LPP: variants seen among roughly 807,000 people sequenced by gnomAD.
The protein encoded by LPP is lipoma-preferred partner.
LPP carries 38 observed loss-of-function variants against 60.4 expected under a neutral mutation model. The ratio of observed to expected loss-of-function variants is 0.63; its 90% CI spans 0.49 to 0.83. LPP has a LOEUF of 0.83. LPP is among the 40% of genes least tolerant of loss of function. The probability of loss-of-function intolerance (pLI) is 0.00; values close to 1 mark genes in which losing one functional copy is unlikely to be tolerated. For missense variants in LPP, 902 were observed against 783.6 expected (o/e 1.15, Z -1.80); for synonymous variants, 328 against 290.8 (o/e 1.13, Z -1.30).
intron 4 of LPP, among the ~76,000 whole-genome samples, chr3:188,448,783 T>C (rs2149329984): frequency 6.6e-6 from 1 of 152,322 alleles, no homozygotes; most frequent in East Asian, 1.9e-4. Context: ...CACTATTTCT[T>C]AGTGTGTCTG....
At chr3:188,508,833 A>G (rs1814339487) in intron 5 of LPP, among the ~76,000 whole-genome samples, 1 of 152,218 alleles carries the variant, frequency 6.6e-6, no homozygotes, top group Admixed American at 6.5e-5. Context: ...TTTTAATTAA[A>G]TTGTTCCAGT....
At chr3:188,732,839 T>C (rs542064003) in intron 8 of LPP, among the ~76,000 whole-genome samples, 95 of 152,108 alleles carry the variant, frequency 6.2e-4, no homozygotes, top group African/African-American at 2.2e-3. Flanking sequence ...AGTATTGGGG[T>C]ATAAATTAAA....
At chr3:188,545,366 A>G (rs1826343667) in intron 6 of LPP, among the ~76,000 whole-genome samples, 1 of 151,762 alleles carries the variant, frequency 6.6e-6, no homozygotes, top group South Asian at 2.1e-4. Context: ...GAGGCAAAAC[A>G]AGCACTCCCT....
intron 7 of LPP, among the ~76,000 whole-genome samples, chr3:188,696,218 C>G (rs1863198701): frequency 7.7e-6 from 1 of 130,718 alleles, no homozygotes; most frequent in South Asian, 2.4e-4. Context: ...TTTAAGCACA[C>G]AGTACTCTCT....
intron 4 of LPP, among the ~76,000 whole-genome samples, chr3:188,433,599 TG>T (rs1791513015): frequency 7.3e-6 from 1 of 137,452 alleles, no homozygotes; most frequent in South Asian, 2.5e-4. Context: ...AGACAGAAAG[TG>T]AGAGAGAGAG....
chr3:188,766,633 G>T (rs551960359), intron 9 of LPP, among the ~76,000 whole-genome samples: 2 of 152,070 alleles, frequency 1.3e-5, no homozygotes, highest in South Asian at 4.1e-4. Flanking sequence ...TCCCAAGGCC[G>T]GCTATCTCTA....
At chr3:188,673,885 CTTTTTTGT>C (rs1857443221) in intron 7 of LPP, among the ~76,000 whole-genome samples, 1 of 71,232 alleles carries the variant, frequency 1.4e-5, no homozygotes, top group Admixed American at 2.2e-4. Context: ...TAATTTTTTT[CTTTTTTGT>C]TTTTTTTTTT....
chr3:188,251,296 A>G (rs12492481), intron 2 of LPP, among the ~76,000 whole-genome samples: 17,186 of 151,248 alleles, frequency 0.11, 1,037 homozygotes, highest in South Asian at 0.15. Flanking sequence ...GTTGTTAGCA[A>G]TTGATTAATT....
intron 6 of LPP, among the ~76,000 whole-genome samples, chr3:188,591,444 C>T (rs1282927778): frequency 1.3e-5 from 2 of 152,122 alleles, no homozygotes; most frequent in African/African-American, 4.8e-5. Context: ...CTCATTTGCT[C>T]CATACATATT....
intron 2 of LPP, among the ~76,000 whole-genome samples, chr3:188,313,747 G>T (rs1301897097): frequency 1.3e-5 from 2 of 152,068 alleles, no homozygotes; most frequent in African/African-American, 4.8e-5. Flanking sequence ...TAAAAATGTT[G>T]ATTCTTTTTC....
chr3:188,594,292 A>T (rs979658633), intron 6 of LPP, among the ~76,000 whole-genome samples: 3 of 152,184 alleles, frequency 2.0e-5, no homozygotes, highest in African/African-American at 7.2e-5. Flanking sequence ...AGTCACACAG[A>T]CAAGAATGTG....
chr3:188,449,531 G>T (rs1397120206), intron 4 of LPP, among the ~76,000 whole-genome samples: 1 of 151,980 alleles, frequency 6.6e-6, no homozygotes, highest in Non-Finnish European at 1.5e-5. Flanking sequence ...AACTCCATGA[G>T]ACAGGGACTG....
chr3:188,483,740 A>C lies in LPP; in HGVS notation c.194-852A>C, dbSNP rs76465386. 7.3e-3 allele frequency among the ~76,000 whole-genome samples: 1,108 copies of C among 152,192 alleles called. 14 individuals are homozygous for C. Among genetic ancestry groups the C allele is most frequent in the African/African-American group, 0.025 (1,052 of 41,530 alleles). On this transcript the variant is annotated intron_variant, in intron 4 of 11. Coordinates refer to ENST00000617246, the MANE Select transcript of LPP (RefSeq NM_001375462.1). ...GTTTTTCTCGGTATCCCAAAGTCTC[A>C]TTACTTCTTGCCTGGATTATGTATA...
intron 4 of LPP, among the ~76,000 whole-genome samples, chr3:188,473,813 C>CT (rs1802461807): frequency 6.6e-6 from 1 of 152,166 alleles, no homozygotes; most frequent in South Asian, 2.1e-4. Flanking sequence ...ATCAACAGAT[C>CT]TTTTATTGGA....
intron 1 of LPP, among the ~76,000 whole-genome samples, chr3:188,203,463 A>G (rs1260177398): frequency 1.1e-5 from 1 of 93,914 alleles, no homozygotes; most frequent in Non-Finnish European, 1.9e-5. Context: ...ATATAAATAT[A>G]TATATTTTTA....
At chr3:188,297,557 A>G (rs996689353) in intron 2 of LPP, among the ~76,000 whole-genome samples, 6 of 152,216 alleles carry the variant, frequency 3.9e-5, no homozygotes, top group South Asian at 4.1e-4. Context: ...AAGATTGCCT[A>G]TCAGGTTTTA....
At chr3:188,193,366 A>G (rs6796195) in intron 1 of LPP, among the ~76,000 whole-genome samples, 7 of 152,208 alleles carry the variant, frequency 4.6e-5, no homozygotes, top group Admixed American at 1.3e-4. Flanking sequence ...CGCTGTCTAG[A>G]TCTGTGTCTG....
intron 5 of LPP, among the ~76,000 whole-genome samples, chr3:188,507,301 C>T (rs1363755291): frequency 6.6e-6 from 1 of 152,010 alleles, no homozygotes; most frequent in African/African-American, 2.4e-5. Flanking sequence ...TATACTGACT[C>T]AGGGTGGTGG....
At chr3:188,645,113 T>G (rs1298287997) in intron 7 of LPP, among the ~76,000 whole-genome samples, 2 of 152,236 alleles carry the variant, frequency 1.3e-5, no homozygotes, top group East Asian at 1.9e-4. Context: ...TACTGGTTAT[T>G]TTTATTATCG....
Sources: allele counts gnomAD v4.1 joint callset (sites outside exome capture counted in the v4.1 genomes callset), GRCh38; gene constraint gnomAD v4.1.1; transcripts MANE v1.5; gene names NCBI Gene and HGNC (gene_info 2026-07-23, HGNC 2026-07-21).